The following FBXL7 variants were observed in gnomAD, a reference collection of about 807,000 sequenced individuals.
FBXL7 encodes the protein F-box/LRR-repeat protein 7.
In FBXL7, 12 loss-of-function variants were observed where a neutral mutation model predicts 38.3. The ratio of observed to expected loss-of-function variants is 0.31; its 90% CI spans 0.20 to 0.51. The LOEUF (loss-of-function observed/expected upper bound fraction) is 0.51. Among genes scored for constraint, FBXL7 ranks in the 20% least tolerant of loss-of-function variants. The probability of loss-of-function intolerance (pLI) is 0.98; values close to 1 mark genes in which losing one functional copy is unlikely to be tolerated. For synonymous variants in FBXL7, 297 were observed against 300.9 expected (o/e 0.99, Z 0.13); for missense variants, 567 against 676.4 (o/e 0.84, Z 1.79).
intron 2 of FBXL7, among the ~76,000 whole-genome samples, chr5:15,631,466 C>CT (rs1023780972): frequency 9.9e-5 from 15 of 151,894 alleles, no homozygotes; most frequent in Non-Finnish European, 1.0e-4. Context: ...GAAGCTGAGG[C>CT]TGGTGGATCA....
chr5:15,595,152 T>C (rs1231283278), intron 1 of FBXL7, among the ~76,000 whole-genome samples: 1 of 152,174 alleles, frequency 6.6e-6, no homozygotes, highest in African/African-American at 2.4e-5. Flanking sequence ...TGAGAAAATA[T>C]ACATAAAAAC....
intron 2 of FBXL7, among the ~76,000 whole-genome samples, chr5:15,715,410 G>C (rs1744014850): frequency 6.8e-6 from 1 of 146,998 alleles, no homozygotes; most frequent in South Asian, 2.2e-4. Flanking sequence ...AGAATCGCTT[G>C]AACCTGGGAG....
intron 2 of FBXL7, among the ~76,000 whole-genome samples, chr5:15,785,495 G>A (rs947092406): frequency 1.3e-5 from 2 of 152,156 alleles, no homozygotes; most frequent in Non-Finnish European, 2.9e-5. Context: ...TTTTATACAC[G>A]GAAGAAGAGG....
intron 2 of FBXL7, among the ~76,000 whole-genome samples, chr5:15,858,916 A>G (rs1397831014): frequency 6.6e-6 from 1 of 152,194 alleles, no homozygotes; most frequent in Non-Finnish European, 1.5e-5. Flanking sequence ...AATACACAAT[A>G]TGGTCTGGAA....
At chr5:15,924,002 C>T (rs1321469720) in intron 2 of FBXL7, among the ~76,000 whole-genome samples, 1 of 152,060 alleles carries the variant, frequency 6.6e-6, no homozygotes, top group Non-Finnish European at 1.5e-5. Context: ...GAGCTGAGAG[C>T]CTAGGATTGT....
At chr5:15,601,732 A>G (rs1739799330) in intron 1 of FBXL7, among the ~76,000 whole-genome samples, 1 of 152,104 alleles carries the variant, frequency 6.6e-6, no homozygotes, top group Admixed American at 6.6e-5. Context: ...CATTCAATGA[A>G]ACTTGAACAA....
intron 2 of FBXL7, among the ~76,000 whole-genome samples, chr5:15,881,504 T>C (rs1385768635): frequency 1.3e-5 from 2 of 152,242 alleles, no homozygotes; most frequent in East Asian, 3.8e-4. Context: ...CAAGTATCTT[T>C]TTCATATCAT....
In FBXL7 at chr5:15,795,189, C is replaced by T. The variant is rs141280672; in HGVS notation, c.128-132701C>T. 1.4e-4 allele frequency among the ~76,000 whole-genome samples: 22 copies of T among 152,244 alleles called. No individual in the cohort carries two copies. The East Asian group carries it at 3.9e-3, about 27-fold the overall frequency. ...CTCCAGACATCCCTCAAAAGCAATT[C>T]AGGGGGAGAGAATTCATGGCTCTTA... On this transcript the variant is annotated intron_variant, in intron 2 of 3. Transcript: ENST00000504595.
intron 2 of FBXL7, among the ~76,000 whole-genome samples, chr5:15,868,233 A>C (rs187351076): frequency 2.0e-5 from 3 of 152,308 alleles, no homozygotes; most frequent in Admixed American, 6.5e-5. Flanking sequence ...CTGCAAAGCC[A>C]AGTCCTACAG....
chr5:15,767,126 G>A lies in FBXL7; in HGVS notation c.127+151054G>A, dbSNP rs1293926005. Among the ~76,000 whole-genome samples the A allele has an allele frequency of 3.3e-5, 5 of 152,162 alleles. No homozygotes were observed. The East Asian group carries it at 9.6e-4, about 29-fold the overall frequency. On this transcript the variant is annotated intron_variant, in intron 2 of 3. Coordinates refer to ENST00000504595, the MANE Select transcript of FBXL7 (RefSeq NM_012304.5). ...CTTCAGCTAGTTATTCAGCCCAGCA[G>A]CCATTAGCTATTCTTCCTGATGCTC...
At chr5:15,702,661 A>C (rs1579390859) in intron 2 of FBXL7, among the ~76,000 whole-genome samples, 3 of 152,348 alleles carry the variant, frequency 2.0e-5, no homozygotes, top group African/African-American at 7.2e-5. Context: ...TATGGCTAAC[A>C]CATTGGAAAT....
intron 2 of FBXL7, among the ~76,000 whole-genome samples, chr5:15,687,818 T>C (rs1009273748): frequency 2.6e-5 from 4 of 152,212 alleles, no homozygotes; most frequent in Non-Finnish European, 5.9e-5. Context: ...AATAGGTATT[T>C]TTTGCACAGA....
intron 2 of FBXL7, among the ~76,000 whole-genome samples, chr5:15,825,538 C>T (rs1738287563): frequency 6.6e-6 from 1 of 152,310 alleles, no homozygotes; most frequent in Non-Finnish European, 1.5e-5. Flanking sequence ...TTCTAGCCAA[C>T]AGAAAGAACT....
chr5:15,680,870 C>T (rs1306690755), intron 2 of FBXL7, among the ~76,000 whole-genome samples: 1 of 152,180 alleles, frequency 6.6e-6, no homozygotes, highest in Non-Finnish European at 1.5e-5. Context: ...TAATTATTCT[C>T]ACTGCCTAAA....
At position 15,726,813 on chromosome 5, in the gene FBXL7, T is replaced by C. The variant is rs149679151; in HGVS notation, c.127+110741T>C. ...TCTGTTTTTTGATTGGAGAGTTTAA[T>C]CTATTTACATTTAAGTGATTATTGA... is the stretch of plus-strand genomic sequence containing the variant. On this transcript the variant is annotated intron_variant, in intron 2 of 3. Coordinates refer to ENST00000504595, the MANE Select transcript of FBXL7 (RefSeq NM_012304.5). 4.7e-3 allele frequency among the ~76,000 whole-genome samples: 714 copies of C among 152,286 alleles called. 2 individuals carry two copies. The highest frequency in any genetic ancestry group is 7.5e-3 in the Non-Finnish European group (511 of 68,022).
chr5:15,824,411 C>T (rs1356048412), intron 2 of FBXL7, among the ~76,000 whole-genome samples: 2 of 151,950 alleles, frequency 1.3e-5, no homozygotes, highest in Non-Finnish European at 2.9e-5. Flanking sequence ...GTGTACTCCT[C>T]GGCACTTCCC....
chr5:15,717,488 T>C (rs1405061766), intron 2 of FBXL7, among the ~76,000 whole-genome samples: 1 of 152,254 alleles, frequency 6.6e-6, no homozygotes, highest in East Asian at 1.9e-4. Flanking sequence ...CTGGAAGTTA[T>C]CAGAATTTTT....
At chr5:15,873,758 A>G (rs778575732) in intron 2 of FBXL7, among the ~76,000 whole-genome samples, 52 of 152,310 alleles carry the variant, frequency 3.4e-4, no homozygotes, top group Non-Finnish European at 6.0e-4. Context: ...AAGTTCTGAA[A>G]TTGAGGCAGC....
At chr5:15,768,177 C>G (rs1736639003) in intron 2 of FBXL7, among the ~76,000 whole-genome samples, 2 of 152,114 alleles carry the variant, frequency 1.3e-5, no homozygotes, top group South Asian at 4.1e-4. Flanking sequence ...TTTGGATACC[C>G]TACTACTTTA....
Sources: gnomAD v4.1 joint callset for allele counts (sites outside exome capture counted in the v4.1 genomes callset) on GRCh38, gnomAD v4.1.1 for gene constraint, MANE v1.5 for transcripts, NCBI Gene and HGNC (gene_info 2026-07-23, HGNC 2026-07-21) for gene names.